The following BCAR3 variants were observed in gnomAD, a reference collection of about 807,000 sequenced individuals.
The protein encoded by BCAR3 is BCAR3 adaptor protein, NSP family member, also known as breast cancer anti-estrogen resistance protein 3.
In BCAR3, 37 loss-of-function variants were observed where a neutral mutation model predicts 80.1. That is an observed-to-expected ratio of 0.46 (90% confidence interval 0.36 to 0.61). The LOEUF (loss-of-function observed/expected upper bound fraction) is 0.61. Among genes scored for constraint, BCAR3 ranks in the 20% least tolerant of loss-of-function variants. The probability of loss-of-function intolerance (pLI) is 0.00; values close to 1 mark genes in which losing one functional copy is unlikely to be tolerated. For missense variants in BCAR3, 978 were observed against 1,068.2 expected, an observed-to-expected ratio of 0.92 and a Z score of 1.18; for synonymous variants, 389 against 418.9, an observed-to-expected ratio of 0.93 and a Z score of 0.87.
intron 3 of BCAR3, among the ~76,000 whole-genome samples, chr1:93,598,067 A>G (rs1674490454): frequency 6.6e-6 from 1 of 152,248 alleles, no homozygotes; most frequent in Non-Finnish European, 1.5e-5. Context: ...CCAGGTCTGC[A>G]GACGTGCTGG....
intron 1 of BCAR3, among the ~76,000 whole-genome samples, chr1:93,678,084 A>G (rs577855526): frequency 3.3e-5 from 5 of 152,318 alleles, no homozygotes; most frequent in South Asian, 2.1e-4. Context: ...CTGGCTACAC[A>G]TAAGAATCCT....
At chr1:93,637,375 G>A (rs770816773) in intron 3 of BCAR3, among the ~76,000 whole-genome samples, 2 of 152,058 alleles carry the variant, frequency 1.3e-5, no homozygotes, top group South Asian at 2.1e-4. Context: ...GGCTGGTCTC[G>A]AACTCCTGAC....
chr1:93,679,148 T>C (rs1272904820), intron 1 of BCAR3, among the ~76,000 whole-genome samples: 6 of 152,230 alleles, frequency 3.9e-5, no homozygotes, highest in Admixed American at 6.5e-5. Flanking sequence ...AAAAATGACT[T>C]AACAGCTATT....
At chr1:93,571,144 C>T (rs1673194293) in intron 9 of BCAR3, among the ~76,000 whole-genome samples, 1 of 150,894 alleles carries the variant, frequency 6.6e-6, no homozygotes, top group Admixed American at 6.6e-5. Context: ...ACAGAGGTTG[C>T]AATGAGCCAA....
chr1:93,781,257 G>T (rs1404661629), intron 2 of BCAR3, among the ~76,000 whole-genome samples: 1 of 152,182 alleles, frequency 6.6e-6, no homozygotes, highest in Admixed American at 6.5e-5. Flanking sequence ...TTTCACACAT[G>T]AAATAATACT....
intron 2 of BCAR3, among the ~76,000 whole-genome samples, chr1:93,792,555 TG>T (rs1184213947): frequency 1.5e-4 from 1 of 6,462 alleles, no homozygotes; most frequent in Non-Finnish European, 2.2e-4. Flanking sequence ...GATTTTGGGG[TG>T]AGACGATGGG....
chr1:93,647,936 C>G (rs542304915), intron 2 of BCAR3, among the ~76,000 whole-genome samples: 1 of 152,050 alleles, frequency 6.6e-6, no homozygotes, highest in African/African-American at 2.4e-5. Flanking sequence ...CCACACCTGG[C>G]TAATTTTTGT....
At chr1:93,627,383 C>T (rs1256983147) in intron 3 of BCAR3, among the ~76,000 whole-genome samples, 1 of 152,192 alleles carries the variant, frequency 6.6e-6, no homozygotes, top group Non-Finnish European at 1.5e-5. Context: ...TTTTAAGGAA[C>T]TACAACTTGT....
intron 8 of BCAR3, among the ~76,000 whole-genome samples, chr1:93,573,755 C>T (rs1016893249): frequency 4.0e-5 from 6 of 151,724 alleles, no homozygotes; most frequent in Middle Eastern, 6.8e-3. Flanking sequence ...CAGCCTCCCA[C>T]GTAGCTGGGA....
chr1:93,656,027 AC>A (rs954503055), intron 2 of BCAR3, among the ~76,000 whole-genome samples: 6 of 152,072 alleles, frequency 3.9e-5, no homozygotes, highest in Non-Finnish European at 7.4e-5. Context: ...CTCTGTATTC[AC>A]CCTTGTTCTT....
At chr1:93,621,957 C>T (rs189292154) in intron 3 of BCAR3, among the ~76,000 whole-genome samples, 208 of 152,290 alleles carry the variant, frequency 1.4e-3, no homozygotes, top group Middle Eastern at 3.4e-3. Context: ...CTGCAACCTC[C>T]GCCTCCCGGG....
At chr1:93,799,293 G>A (rs1653394589) in intron 2 of BCAR3, among the ~76,000 whole-genome samples, 1 of 152,170 alleles carries the variant, frequency 6.6e-6, no homozygotes, top group African/African-American at 2.4e-5. Context: ...TAATTTGGAT[G>A]GCTCAAAGCA....
chr1:93,616,529 A>C (rs775857699), intron 3 of BCAR3, among the ~76,000 whole-genome samples: 25 of 152,258 alleles, frequency 1.6e-4, no homozygotes, highest in Non-Finnish European at 2.9e-4. Flanking sequence ...ACCACTCAGC[A>C]GAGAACAAAG....
chr1:93,814,072 A>G (rs1012170143), intron 2 of BCAR3, among the ~76,000 whole-genome samples: 3 of 152,156 alleles, frequency 2.0e-5, no homozygotes, highest in African/African-American at 7.2e-5. Flanking sequence ...GATCCTTTTC[A>G]GTGTATCTTG....
chr1:93,709,866 A>G (rs369244922), intron 2 of BCAR3, among the ~76,000 whole-genome samples: 19 of 152,172 alleles, frequency 1.2e-4, no homozygotes, highest in African/African-American at 3.6e-4. Context: ...TTGATGGATC[A>G]TCATGTAATT....
At chr1:93,830,140 T>C (rs1654507716) in intron 2 of BCAR3, among the ~76,000 whole-genome samples, 1 of 152,206 alleles carries the variant, frequency 6.6e-6, no homozygotes, top group African/African-American at 2.4e-5. Context: ...TGTGGAATCA[T>C]GAGCCAATTA....
chr1:93,661,509 C>T (rs566491677), intron 2 of BCAR3, among the ~76,000 whole-genome samples: 2 of 144,794 alleles, frequency 1.4e-5, no homozygotes, highest in Admixed American at 7.1e-5. Context: ...TTTTTTGAGA[C>T]GAAGTTTCGC....
At chr1:93,796,737 T>C (rs1653288617) in intron 2 of BCAR3, among the ~76,000 whole-genome samples, 2 of 152,208 alleles carry the variant, frequency 1.3e-5, no homozygotes, top group Non-Finnish European at 2.9e-5. Flanking sequence ...ATTTCCTATA[T>C]ATTATTTTGA....
At chr1:93,752,058 C>T (rs1651574566) in intron 2 of BCAR3, among the ~76,000 whole-genome samples, 1 of 152,264 alleles carries the variant, frequency 6.6e-6, no homozygotes, top group Non-Finnish European at 1.5e-5. Flanking sequence ...CACCTACACA[C>T]TCATTTCATC....
Sources: gnomAD v4.1 joint callset for allele counts (sites outside exome capture counted in the v4.1 genomes callset) on GRCh38, gnomAD v4.1.1 for gene constraint, MANE v1.5 for transcripts, NCBI Gene and HGNC (gene_info 2026-07-23, HGNC 2026-07-21) for gene names.